Variants in SLIT3 observed in about 807,000 individuals in gnomAD.
SLIT3 encodes slit guidance ligand 3.
Under a neutral mutation model 184.0 loss-of-function variants are expected in SLIT3, and 68 were observed. The observed-to-expected ratio is 0.37, with a 90% CI of 0.30 to 0.45. SLIT3 has a LOEUF of 0.45. SLIT3 is among the 20% of genes least tolerant of loss of function. The pLI is 1.00. For missense variants in SLIT3, 1,707 were observed against 2,026.0 expected (o/e 0.84, Z 3.02); for synonymous variants, 831 against 828.6 (o/e 1.00, Z -0.05).
chr5:168,915,343 G>C (rs750429121), intron 4 of SLIT3, among the ~76,000 whole-genome samples: 3 of 152,108 alleles, frequency 2.0e-5, no homozygotes, highest in African/African-American at 4.8e-5. Flanking sequence ...ATCAGTGACG[G>C]GTGATTGCTG....
chr5:169,039,647 AAAC>A (rs1757381639), intron 4 of SLIT3, among the ~76,000 whole-genome samples: 1 of 152,126 alleles, frequency 6.6e-6, no homozygotes, highest in African/African-American at 2.4e-5. Flanking sequence ...TGAAATAGAA[AAAC>A]AATATACCCT....
intron 3 of SLIT3, among the ~76,000 whole-genome samples, chr5:169,209,112 A>G (rs1326618237): frequency 6.6e-6 from 1 of 152,236 alleles, no homozygotes; most frequent in African/African-American, 2.4e-5. Context: ...CAAGAAGAAA[A>G]CATACAACCC....
chr5:168,821,391 C>G lies in SLIT3; in HGVS notation c.629+1869G>C, dbSNP rs531464496. On this transcript the variant is annotated intron_variant, in intron 7 of 35. Coordinates refer to ENST00000519560, the MANE Select transcript of SLIT3 (RefSeq NM_003062.4). ...AGGTGAGAGTCATTTTTCTTCGATG[C>G]AACCCACATGTCTGGGGTAATGCAG... Among the ~76,000 whole-genome samples, 104 of 152,332 alleles carry G rather than the reference C, an allele frequency of 6.8e-4. 1 individual carries two copies. The highest frequency in any genetic ancestry group is 6.8e-4 in the Non-Finnish European group (46 of 68,028).
At chr5:168,861,519 G>C (rs1160476151) in intron 5 of SLIT3, among the ~76,000 whole-genome samples, 1 of 151,484 alleles carries the variant, frequency 6.6e-6, no homozygotes, top group East Asian at 1.9e-4. Context: ...TCTCATACCT[G>C]CCTTGGTAGT....
intron 4 of SLIT3, among the ~76,000 whole-genome samples, chr5:168,931,197 G>A (rs779772344): frequency 4.0e-5 from 6 of 151,894 alleles, no homozygotes; most frequent in Non-Finnish European, 8.8e-5. Flanking sequence ...TTGCTGTAAA[G>A]GTGCTTGAAA....
intron 4 of SLIT3, among the ~76,000 whole-genome samples, chr5:169,192,867 T>C (rs1039855543): frequency 3.3e-5 from 5 of 152,224 alleles, no homozygotes; most frequent in Non-Finnish European, 7.3e-5. Flanking sequence ...CTCCAGCTCC[T>C]GGGCTTCCAA....
chr5:168,823,140 T>C (rs1757586960), intron 7 of SLIT3, 120 bp downstream of exon 7: 3 of 844,182 alleles, frequency 3.6e-6, no homozygotes, highest in Non-Finnish European at 6.2e-6. Context: ...AAGGAGGAAT[T>C]TGAATGTCGG....
At chr5:168,878,171 A>C (rs969998234) in intron 5 of SLIT3, among the ~76,000 whole-genome samples, 1 of 152,160 alleles carries the variant, frequency 6.6e-6, no homozygotes, top group Non-Finnish European at 1.5e-5. Flanking sequence ...GTCTCTCTTT[A>C]AATACAGCAC....
intron 4 of SLIT3, among the ~76,000 whole-genome samples, chr5:168,973,446 C>T (rs147963662): frequency 7.9e-5 from 12 of 152,240 alleles, no homozygotes; most frequent in African/African-American, 1.9e-4. Flanking sequence ...CGGGGTTTTG[C>T]CATGTTGGCC....
intron 1 of SLIT3, among the ~76,000 whole-genome samples, chr5:169,255,754 G>T (rs1320651302): frequency 3.9e-5 from 6 of 152,040 alleles, no homozygotes; most frequent in Admixed American, 1.3e-4. Context: ...GTGGTGGCGG[G>T]TGCCTGTTGT....
chr5:169,293,157 CA>C (rs1241754779), intron 1 of SLIT3, among the ~76,000 whole-genome samples: 1 of 152,122 alleles, frequency 6.6e-6, no homozygotes, highest in Non-Finnish European at 1.5e-5. Context: ...AGAAACACCA[CA>C]GCAATAAGAC....
At chr5:169,255,344 C>T (rs1765916320) in intron 1 of SLIT3, among the ~76,000 whole-genome samples, 1 of 152,074 alleles carries the variant, frequency 6.6e-6, no homozygotes, top group South Asian at 2.1e-4. Context: ...GTGTTACTGC[C>T]CTTGAAGACT....
At chr5:168,688,246 C>G (rs1761805857) in intron 29 of SLIT3, among the ~76,000 whole-genome samples, 2 of 152,148 alleles carry the variant, frequency 1.3e-5, no homozygotes, top group African/African-American at 4.8e-5. Flanking sequence ...TTCTAGTGGG[C>G]AGGTAAAAAT....
chr5:169,006,237 C>T (rs12153532), intron 4 of SLIT3, among the ~76,000 whole-genome samples: 1 of 152,220 alleles, frequency 6.6e-6, no homozygotes, highest in South Asian at 2.1e-4. Context: ...ATATGGTAAA[C>T]CTTAAAGCAT....
chr5:169,102,885 G>A (rs898088683), intron 4 of SLIT3, among the ~76,000 whole-genome samples: 5 of 152,210 alleles, frequency 3.3e-5, no homozygotes, highest in African/African-American at 9.6e-5. Flanking sequence ...GCTGAGTTGA[G>A]CTGACATACA....
chr5:168,893,562 C>T (rs1760551615), intron 4 of SLIT3, among the ~76,000 whole-genome samples: 1 of 152,034 alleles, frequency 6.6e-6, no homozygotes, highest in South Asian at 2.1e-4. Flanking sequence ...ATCCTTTGGC[C>T]CGAAAGCTGG....
chr5:169,106,896 G>A (rs1760233571), intron 4 of SLIT3, among the ~76,000 whole-genome samples: 1 of 152,208 alleles, frequency 6.6e-6, no homozygotes, highest in South Asian at 2.1e-4. Context: ...GTAGTACCCT[G>A]TAGAATCTTT....
chr5:168,998,825 G>A (rs1362036959), intron 4 of SLIT3, among the ~76,000 whole-genome samples: 1 of 152,180 alleles, frequency 6.6e-6, no homozygotes, highest in Non-Finnish European at 1.5e-5. Flanking sequence ...GAATGTGTTA[G>A]AAATATGAAT....
chr5:168,748,462 G>A (rs755160612), intron 19 of SLIT3, 28 bp from the exon 20 acceptor site: 4 of 1,507,196 alleles, frequency 2.7e-6, no homozygotes, highest in South Asian at 1.3e-5. Flanking sequence ...GAGGGTGAGG[G>A]TTGTGGGAGA....
Sources: gnomAD v4.1 joint callset for allele counts (sites outside exome capture counted in the v4.1 genomes callset) on GRCh38, gnomAD v4.1.1 for gene constraint, MANE v1.5 for transcripts, NCBI Gene and HGNC (gene_info 2026-07-23, HGNC 2026-07-21) for gene names.